NUP160: variants seen among roughly 807,000 people sequenced by gnomAD.
NUP160 encodes the protein nuclear pore complex protein Nup160.
In NUP160, 94 loss-of-function variants were observed where a neutral mutation model predicts 196.9. The ratio of observed to expected loss-of-function variants is 0.48; its 90% CI spans 0.40 to 0.57. NUP160 has a LOEUF of 0.57. NUP160 is among the 20% of genes least tolerant of loss of function. The pLI is 0.00. For synonymous variants in NUP160, 605 were observed against 619.7 expected (o/e 0.98, Z 0.35); for missense variants, 1,638 against 1,748.3 (o/e 0.94, Z 1.13).
intron 27 of NUP160, among the ~76,000 whole-genome samples, chr11:47,793,381 C>A (rs889127392): frequency 6.6e-6 from 1 of 151,814 alleles, no homozygotes; most frequent in Non-Finnish European, 1.5e-5. Flanking sequence ...TAACCCCTGC[C>A]CCCCCTCCCC....
chr11:47,797,725 C>T (rs2097671645), intron 27 of NUP160, 54 bp downstream of exon 27: 3 of 1,273,266 alleles, frequency 2.4e-6, no homozygotes, highest in South Asian at 2.4e-5. Context: ...TTTGGTAAAA[C>T]ATGATTAAAC....
upstream of NUP160, chr11:47,848,477 G>A: frequency 2.2e-6 from 3 of 1,354,498 alleles, no homozygotes; most frequent in Non-Finnish European, 3.0e-6. Flanking sequence ...CCGGGAGAAT[G>A]AGGGTGGGCA....
intron 10 of NUP160, 39 bp downstream of exon 10, chr11:47,819,335 T>G: frequency 7.4e-7 from 1 of 1,350,854 alleles, no homozygotes; most frequent in East Asian, 2.3e-5. Context: ...AAGATCAAAG[T>G]AAATCATTCC....
intron 22 of NUP160, 126 bp from the exon 23 acceptor site, chr11:47,802,056 G>T: frequency 1.3e-6 from 1 of 791,918 alleles, no homozygotes; most frequent in Non-Finnish European, 2.0e-6. Context: ...TCTACTCTAT[G>T]TATAGTTTCT....
intron 9 of NUP160, among the ~76,000 whole-genome samples, chr11:47,821,191 T>C (rs1851849393): frequency 6.6e-6 from 1 of 151,988 alleles, no homozygotes; most frequent in African/African-American, 2.4e-5. Context: ...TTTATCTTAG[T>C]CCAACCCCCA....
rs1408887857 is a variant in NUP160, at chr11:47,834,857, G to A, written c.1101+794C>T. Reference sequence around the variant, plus strand: ...AACAGTTTGAGATGGCTTCCACATGGACAGAAAGCTTGGTGCAGGATGGAA... The same window carrying A: ...AACAGTTTGAGATGGCTTCCACATGAACAGAAAGCTTGGTGCAGGATGGAA... On this transcript the variant is annotated intron_variant, in intron 7 of 35. Transcript: ENST00000378460. Among the ~76,000 whole-genome samples the A allele has an allele frequency of 2.6e-5, 4 of 152,294 alleles. No homozygotes were observed. In the East Asian group the frequency reaches 7.7e-4, roughly 29 times the overall value.
chr11:47,780,219 G>T, intron 35 of NUP160, 124 bp downstream of exon 35: 1 of 672,502 alleles, frequency 1.5e-6, no homozygotes, highest in Non-Finnish European at 2.6e-6. Context: ...TGGGCAGTTT[G>T]TTAAGGGCCA....
intron 33 of NUP160, among the ~76,000 whole-genome samples, chr11:47,784,249 T>G (rs1489060802): frequency 2.0e-5 from 3 of 152,176 alleles, no homozygotes; most frequent in Non-Finnish European, 4.4e-5. Context: ...GAGGAATCTG[T>G]ATTTTGAAGA....
intron 28 of NUP160, 190 bp from the exon 29 acceptor site, chr11:47,792,180 C>CTTATATGTTAACTAATATG: frequency 1.8e-6 from 1 of 540,892 alleles, no homozygotes; most frequent in South Asian, 2.7e-5. Context: ...AAGTTGTTAA[C>CTTATATGTTAACTAATATG]TTAACCATAA....
At chr11:47,811,178 C>T (rs1236495702) in intron 17 of NUP160, among the ~76,000 whole-genome samples, 2 of 152,066 alleles carry the variant, frequency 1.3e-5, no homozygotes, top group African/African-American at 4.8e-5. Flanking sequence ...GATAAACCTG[C>T]ATCTCAAAAC....
rs1235052286 is a variant in NUP160, at chr11:47,779,270, C to A, written c.4222-76G>T. ...ATATTGAAGTTATTAATAACTTTGA[C>A]TTCACCAAGTAGATTCCACCTTATA... On this transcript the variant is annotated intron_variant, in intron 35 of 35. Transcript: ENST00000378460. 3.3e-6 allele frequency: 3 copies of A among 916,942 alleles called. No homozygotes were observed. The Admixed American group carries it at 6.8e-5, about 21-fold the overall frequency. 56.8% of individuals were successfully genotyped at this position (916,942 alleles called of 1,614,324 possible).
intron 7 of NUP160, chr11:47,827,083 C>G (rs1478143699): frequency 4.4e-6 from 2 of 456,052 alleles, no homozygotes; most frequent in East Asian, 1.4e-4. Flanking sequence ...ACGAAAAATT[C>G]AGGCTGGGTG....
chr11:47,820,153 G>A (rs1851825713), intron 9 of NUP160: 1 of 152,228 alleles, frequency 6.6e-6, no homozygotes, highest in Non-Finnish European at 1.5e-5. Context: ...AGCCTCTACA[G>A]ATGTTTCAGG....
exon 15 of NUP160, chr11:47,813,023 A>C (rs2097682058): frequency 6.2e-7 from 1 of 1,610,582 alleles, no homozygotes; most frequent in Non-Finnish European, 8.5e-7. Context: ...TATAAGACAT[A>C]TGACATCCCG....
At chr11:47,813,325 T>C (rs2097682234) in exon 14 of NUP160, 1 of 1,588,606 alleles carries the variant, frequency 6.3e-7, no homozygotes, top group Non-Finnish European at 8.6e-7. Context: ...CCATCAGATA[T>C]GGTTGTCTCA....
chr11:47,795,292 G>A (rs898658015), intron 27 of NUP160, among the ~76,000 whole-genome samples: 5 of 152,090 alleles, frequency 3.3e-5, no homozygotes, highest in Admixed American at 2.0e-4. Flanking sequence ...TATGTAAGGC[G>A]CTTTCAGAAG....
intron 32 of NUP160, among the ~76,000 whole-genome samples, chr11:47,785,475 G>C (rs1400784714): frequency 6.6e-6 from 1 of 152,118 alleles, no homozygotes; most frequent in Non-Finnish European, 1.5e-5. Context: ...CAATAATATA[G>C]CTAAATGGGA....
intron 17 of NUP160, among the ~76,000 whole-genome samples, 185 bp from the exon 18 acceptor site, chr11:47,808,714 A>G (rs1052965038): frequency 1.3e-5 from 2 of 152,222 alleles, no homozygotes; most frequent in African/African-American, 4.8e-5. Context: ...CAGTCAAAAA[A>G]TAATCAAAAA....
In NUP160 at chr11:47,792,899, G is replaced by A. The variant is rs1428057978; in HGVS notation, c.3337C>T (p.Arg1113Ter). Residue 1113 changes from arginine (R) to a stop codon, truncating the protein, a stop_gained, in exon 28 of 36, where the codon CGA (arginine) becomes TGA (stop). Coordinates refer to ENST00000378460, the Ensembl canonical transcript of NUP160. LOFTEE classifies it high-confidence loss of function. The stretch of plus-strand genomic sequence containing the variant: ...TGTTTCTCAAGTCCCCGGAGAGTTC[G>A]AACTTCTCTGCCAAGCCGCATTCCA... 3.7e-6 allele frequency: 6 copies of A among 1,613,996 alleles called. No individual in the cohort carries two copies. The highest frequency in any genetic ancestry group is 5.1e-6 in the Non-Finnish European group (6 of 1,179,944).
Sources: gnomAD v4.1 joint callset for allele counts (sites outside exome capture counted in the v4.1 genomes callset) on GRCh38, gnomAD v4.1.1 for gene constraint, MANE v1.5 for transcripts, NCBI Gene and HGNC (gene_info 2026-07-23, HGNC 2026-07-21) for gene names.